The following ZNF362 variants were observed in gnomAD, a reference collection of about 807,000 sequenced individuals.
ZNF362 encodes the protein zinc finger protein 362.
Under a neutral mutation model 42.9 loss-of-function variants are expected in ZNF362, and 11 were observed. The ratio of observed to expected loss-of-function variants is 0.26; its 90% CI spans 0.16 to 0.42. ZNF362 has a LOEUF of 0.42. Ranked by LOEUF, ZNF362 falls within the 20% of genes least tolerant of loss-of-function variation. ZNF362 has a pLI of 1.00. For missense variants in ZNF362, 362 were observed against 576.2 expected, an observed-to-expected ratio of 0.63 and a Z score of 3.81; for synonymous variants, 255 against 257.3, an observed-to-expected ratio of 0.99 and a Z score of 0.09.
At chr1:33,216,498 G>A in the ZNF362 span, among the ~76,000 whole-genome samples, 13 of 134,898 alleles carry the variant, frequency 9.6e-5, no homozygotes, top group East Asian at 2.9e-3. Flanking sequence ...TACTCAGGAG[G>A]CTGAGACAGG....
At chr1:33,253,037 T>A (rs912758347), upstream of ZNF362, among the ~76,000 whole-genome samples, 1 of 151,696 alleles carries the variant, frequency 6.6e-6, no homozygotes, top group East Asian at 1.9e-4. Context: ...AAGTGCCCTT[T>A]CTATGTGAAG....
At chr1:33,239,674 CACTT>C in the ZNF362 span, among the ~76,000 whole-genome samples, 2 of 152,134 alleles carry the variant, frequency 1.3e-5, no homozygotes, top group African/African-American at 2.4e-5. Context: ...TCATGAGACT[CACTT>C]ACTATCACGA....
chr1:33,259,464 G>A (rs1645815190), intron 1 of ZNF362, among the ~76,000 whole-genome samples: 2 of 152,248 alleles, frequency 1.3e-5, no homozygotes, highest in Non-Finnish European at 2.9e-5. Context: ...TCCCTGGGCA[G>A]ACACTTTCCT....
At chr1:33,193,010 T>C in the ZNF362 span, among the ~76,000 whole-genome samples, 7,993 of 128,700 alleles carry the variant, frequency 0.062, 393 homozygotes, top group African/African-American at 0.13. Flanking sequence ...CACACATATA[T>C]ATATATATAT....
chr1:33,165,411 C>T, the ZNF362 span: 1 of 1,461,172 alleles, frequency 6.8e-7, no homozygotes, highest in Non-Finnish European at 9.3e-7. This position sits in a 1 kb window ranked among gnomAD's most constrained non-coding sequence, Gnocchi z 4.0. Context: ...GCTGGCCCCG[C>T]CCCTCGAAGC....
At chr1:33,167,546 T>G in the ZNF362 span, among the ~76,000 whole-genome samples, 1 of 152,192 alleles carries the variant, frequency 6.6e-6, no homozygotes, top group African/African-American at 2.4e-5. This position sits in a 1 kb window ranked among gnomAD's most constrained non-coding sequence, Gnocchi z 4.2. Flanking sequence ...TGGCTCCTAC[T>G]GCTCCCTCTC....
At chr1:33,298,412 T>C (rs1646139946) in intron 8 of ZNF362, among the ~76,000 whole-genome samples, 1 of 152,216 alleles carries the variant, frequency 6.6e-6, no homozygotes, top group East Asian at 1.9e-4. Flanking sequence ...TACTCCATGC[T>C]AAGGGCTTGA....
the ZNF362 span, among the ~76,000 whole-genome samples, chr1:33,144,989 A>G: frequency 6.6e-6 from 1 of 152,208 alleles, no homozygotes; most frequent in African/African-American, 2.4e-5. Context: ...CATGTGGGAA[A>G]ACTGAGTCCC....
chr1:33,209,314 C>T, the ZNF362 span, among the ~76,000 whole-genome samples: 1 of 152,094 alleles, frequency 6.6e-6, no homozygotes, highest in Non-Finnish European at 1.5e-5. Context: ...CTGCTGGATT[C>T]GGTTTGCCAG....
chr1:33,299,167 C>T lies in ZNF362; in HGVS notation c.*121C>T. The T allele has an allele frequency of 1.3e-6, 1 of 755,510 alleles. No individual in the cohort carries two copies. The highest frequency in any genetic ancestry group is 2.2e-6 in the Non-Finnish European group (1 of 457,326). The allele number at this position is 755,510 out of a possible 1,614,324, so 46.8% of individuals were successfully genotyped here. Reference sequence around the variant, plus strand: ...CAAGCTCTCTCACGACCTTCCCAATCTTCCAGAAAGCTTGGTCCGCAGAAG... The same window carrying T: ...CAAGCTCTCTCACGACCTTCCCAATTTTCCAGAAAGCTTGGTCCGCAGAAG... On this transcript the variant is annotated 3_prime_UTR_variant, in exon 9 of 9. Transcript: ENST00000539719.
chr1:33,213,881 A>G, the ZNF362 span, among the ~76,000 whole-genome samples: 1 of 150,166 alleles, frequency 6.7e-6, no homozygotes, highest in Non-Finnish European at 1.5e-5. Context: ...ACAAAACAAA[A>G]AAAACAAAAC....
intron 1 of ZNF362, among the ~76,000 whole-genome samples, chr1:33,263,437 G>T (rs1645842787): frequency 6.6e-6 from 1 of 150,482 alleles, no homozygotes. Context: ...TTGAGATGGA[G>T]TCTCGCTCTA....
the ZNF362 span, among the ~76,000 whole-genome samples, chr1:33,157,663 C>G: frequency 7.9e-5 from 12 of 152,068 alleles, no homozygotes; most frequent in South Asian, 4.1e-4. Flanking sequence ...TCTTATGTAC[C>G]CTGTTGTATA....
chr1:33,268,529 A>G (rs1178650794), intron 1 of ZNF362, among the ~76,000 whole-genome samples: 1 of 152,128 alleles, frequency 6.6e-6, no homozygotes, highest in African/African-American at 2.4e-5. Context: ...GTACAAAGGG[A>G]GCAGAGAGGA....
At chr1:33,232,224 C>A in the ZNF362 span, among the ~76,000 whole-genome samples, 1 of 152,082 alleles carries the variant, frequency 6.6e-6, no homozygotes, top group Non-Finnish European at 1.5e-5. Context: ...ATGAAGAGGT[C>A]TACAGAAAAG....
chr1:33,137,466 G>A, the ZNF362 span, among the ~76,000 whole-genome samples: 1 of 152,274 alleles, frequency 6.6e-6, no homozygotes, highest in East Asian at 1.9e-4. Context: ...AGGCGTACAG[G>A]GACTTTGAGA....
chr1:33,248,041 T>C, the ZNF362 span, among the ~76,000 whole-genome samples: 1 of 152,362 alleles, frequency 6.6e-6, no homozygotes, highest in Non-Finnish European at 1.5e-5. Flanking sequence ...CACACTGACC[T>C]GTGAAGTTTT....
the ZNF362 span, among the ~76,000 whole-genome samples, chr1:33,135,940 C>A: frequency 3.3e-5 from 5 of 151,342 alleles, no homozygotes; most frequent in Admixed American, 6.6e-5. Flanking sequence ...AGCCCTCCCT[C>A]CCCACCCTGC....
At chr1:33,177,091 A>G in the ZNF362 span, among the ~76,000 whole-genome samples, 1 of 150,958 alleles carries the variant, frequency 6.6e-6, no homozygotes, top group Non-Finnish European at 1.5e-5. This position sits in a 1 kb window ranked among gnomAD's most constrained non-coding sequence, Gnocchi z 4.1. Flanking sequence ...GCATGCACAA[A>G]TGCACACACA....
Sources: gnomAD v4.1 joint callset for allele counts (sites outside exome capture counted in the v4.1 genomes callset) on GRCh38, gnomAD v4.1.1 for gene constraint, Gnocchi (gnomAD v3.1) non-coding constraint, MANE v1.5 for transcripts, NCBI Gene and HGNC (gene_info 2026-07-23, HGNC 2026-07-21) for gene names.